Variants in MYO1H observed in about 807,000 individuals in gnomAD.
MYO1H encodes the protein unconventional myosin-Ih.
A neutral mutation model predicts 149.3 loss-of-function variants in MYO1H; 118 were observed. The observed-to-expected ratio is 0.79, with a 90% confidence interval of 0.68 to 0.92. MYO1H has a LOEUF of 0.92. MYO1H is among the 40% of genes least tolerant of loss of function. The pLI, the probability that MYO1H is intolerant of heterozygous loss-of-function variation, is 0.00. For missense variants in MYO1H, 1,212 were observed against 1,280.7 expected (o/e 0.95, Z 0.82); for synonymous variants, 447 against 465.2 (o/e 0.96, Z 0.50).
At chr12:109,383,071 G>A (rs951130260) in intron 1 of MYO1H, among the ~76,000 whole-genome samples, 1 of 152,016 alleles carries the variant, frequency 6.6e-6, no homozygotes, top group African/African-American at 2.4e-5. Flanking sequence ...TCTGCCCTAA[G>A]CTTTCCCCAG....
chr12:109,417,378 C>A (rs553646621), intron 15 of MYO1H, among the ~76,000 whole-genome samples: 19 of 152,096 alleles, frequency 1.2e-4, no homozygotes, highest in Middle Eastern at 3.4e-3. Flanking sequence ...CCCAGGCTGG[C>A]GTGCAGTGGC....
intron 1 of MYO1H, among the ~76,000 whole-genome samples, chr12:109,386,873 T>C (rs1286903938): frequency 1.3e-5 from 2 of 152,178 alleles, no homozygotes; most frequent in Non-Finnish European, 2.9e-5. Flanking sequence ...TATTATTTCT[T>C]CCTGGCTCTC....
At chr12:109,315,574 G>A in the MYO1H span, among the ~76,000 whole-genome samples, 5 of 152,100 alleles carry the variant, frequency 3.3e-5, no homozygotes, top group South Asian at 2.1e-4. Flanking sequence ...AATTCTACAC[G>A]TTGGGGTTTT....
At chr12:109,344,507 A>G (rs1214076400), upstream of MYO1H, among the ~76,000 whole-genome samples, 3 of 152,340 alleles carry the variant, frequency 2.0e-5, no homozygotes, top group East Asian at 1.9e-4. Flanking sequence ...ATGGAAAGAT[A>G]TCCTATGCTC....
upstream of MYO1H, among the ~76,000 whole-genome samples, chr12:109,344,940 A>ATATC (rs1362917794): frequency 6.6e-6 from 1 of 152,250 alleles, no homozygotes; most frequent in Admixed American, 6.5e-5. Flanking sequence ...ATAAAGTTAG[A>ATATC]TGTCTCCTTC....
At chr12:109,389,273 T>G (rs1038971315) in intron 2 of MYO1H, among the ~76,000 whole-genome samples, 2 of 152,086 alleles carry the variant, frequency 1.3e-5, no homozygotes, top group Admixed American at 6.5e-5. Flanking sequence ...GGGGATAAGC[T>G]CTAGTAAATG....
At chr12:109,434,538 G>A (rs1227121316) in intron 20 of MYO1H, among the ~76,000 whole-genome samples, 3 of 152,094 alleles carry the variant, frequency 2.0e-5, no homozygotes, top group Non-Finnish European at 4.4e-5. Flanking sequence ...ATTCTTTGTC[G>A]TCACTCTTTA....
chr12:109,373,313 G>T (rs1485083132), intron 1 of MYO1H, among the ~76,000 whole-genome samples: 1 of 152,018 alleles, frequency 6.6e-6, no homozygotes, highest in African/African-American at 2.4e-5. Flanking sequence ...TAAGTATGGT[G>T]CTAGCTTTTG....
intron 1 of MYO1H, among the ~76,000 whole-genome samples, chr12:109,362,508 T>C (rs563403630): frequency 6.6e-6 from 1 of 152,232 alleles, no homozygotes; most frequent in Non-Finnish European, 1.5e-5. Context: ...ATTGAATTTG[T>C]TTAACACATC....
chr12:109,435,333 C>T (rs375694405), intron 21 of MYO1H, among the ~76,000 whole-genome samples: 2 of 134,700 alleles, frequency 1.5e-5, no homozygotes, highest in Non-Finnish European at 1.6e-5. Context: ...AACATTGTTC[C>T]GCCGTTTCAG....
chr12:109,415,429 T>C, intron 14 of MYO1H, 97 bp from the exon 15 acceptor site: 2 of 1,128,760 alleles, frequency 1.8e-6, no homozygotes, highest in Non-Finnish European at 2.5e-6. Context: ...TGAGCCAAGA[T>C]TGTGCCACTG....
At chr12:109,328,065 T>C in the MYO1H span, among the ~76,000 whole-genome samples, 1 of 151,330 alleles carries the variant, frequency 6.6e-6, no homozygotes. Flanking sequence ...GCTGCTTCAC[T>C]ATTGTCAAGA....
intron 1 of MYO1H, among the ~76,000 whole-genome samples, chr12:109,355,905 A>G (rs1251112958): frequency 1.3e-5 from 2 of 150,264 alleles, no homozygotes; most frequent in Non-Finnish European, 3.0e-5. Context: ...TTTAGTAGAG[A>G]TAGGGTTTCA....
the MYO1H span, among the ~76,000 whole-genome samples, chr12:109,330,597 G>A: frequency 4.6e-5 from 7 of 152,064 alleles, no homozygotes; most frequent in Non-Finnish European, 8.8e-5. Context: ...GTCCCAATTC[G>A]TATATCAGAG....
intron 15 of MYO1H, among the ~76,000 whole-genome samples, chr12:109,418,310 G>A (rs1247406843): frequency 3.3e-5 from 5 of 151,542 alleles, no homozygotes; most frequent in Non-Finnish European, 7.4e-5. Flanking sequence ...ATTTTCTTTA[G>A]TCACTTTTAC....
chr12:109,402,915 C>T (rs140193382), intron 6 of MYO1H, among the ~76,000 whole-genome samples: 11 of 152,216 alleles, frequency 7.2e-5, no homozygotes, highest in African/African-American at 2.6e-4. Flanking sequence ...GTCTTTATTC[C>T]TGTAGATTTT....
At chr12:109,415,896 TACC>T (rs1354843857) in intron 15 of MYO1H, among the ~76,000 whole-genome samples, 1 of 151,730 alleles carries the variant, frequency 6.6e-6, no homozygotes, top group African/African-American at 2.4e-5. Context: ...GTGAAAACAT[TACC>T]ACCATTCATT....
intron 1 of MYO1H, among the ~76,000 whole-genome samples, chr12:109,365,533 G>A (rs572891444): frequency 6.6e-6 from 1 of 152,304 alleles, no homozygotes; most frequent in African/African-American, 2.4e-5. Flanking sequence ...GAGGTGGTGA[G>A]CTTGGTTGGA....
At chr12:109,442,997 GA>G (rs35940183) in intron 27 of MYO1H, among the ~76,000 whole-genome samples, 9,579 of 67,650 alleles carry the variant, frequency 0.14, 1,678 homozygotes, top group African/African-American at 0.23. Flanking sequence ...AGAGAGCCAG[GA>G]AAAAAAAAAA....
Sources: allele counts gnomAD v4.1 joint callset (sites outside exome capture counted in the v4.1 genomes callset), GRCh38; gene constraint gnomAD v4.1.1; transcripts MANE v1.5; gene names NCBI Gene and HGNC (gene_info 2026-07-23, HGNC 2026-07-21).